Variants in TMC5 observed in about 807,000 individuals in gnomAD.
The protein encoded by TMC5 is transmembrane channel like 5, also known as transmembrane channel-like protein 5.
A neutral mutation model predicts 110.5 loss-of-function variants in TMC5; 86 were observed. The ratio of observed to expected loss-of-function variants is 0.78; its 90% CI spans 0.65 to 0.93. The LOEUF is 0.93. TMC5 is among the 40% of genes least tolerant of loss of function. The pLI is 0.00. For missense variants in TMC5, 1,144 were observed against 1,222.8 expected (o/e 0.94, Z 0.96); for synonymous variants, 455 against 439.5 (o/e 1.04, Z -0.44).
intron 10 of TMC5, among the ~76,000 whole-genome samples, chr16:19,471,733 C>G (rs1968346513): frequency 6.6e-6 from 1 of 151,914 alleles, no homozygotes; most frequent in African/African-American, 2.4e-5. Context: ...ATAAACTTGA[C>G]TTTCATTTAT....
At chr16:19,434,000 ATATTATATATATAATATATATATAAATC>A (rs1396111316) in intron 2 of TMC5, among the ~76,000 whole-genome samples, 21 of 98,210 alleles carry the variant, frequency 2.1e-4, no homozygotes, top group African/African-American at 7.3e-4. Context: ...ATATATATAT[ATATTATATATATAATATATATATAAATC>A]TATATATTAT....
rs183361956 is a variant in TMC5, at chr16:19,485,357, G to A, written c.2364-1588G>A. Among the ~76,000 whole-genome samples the A allele has an allele frequency of 2.5e-3, 387 of 152,232 alleles. 1 individual carries two copies. The highest frequency in any genetic ancestry group is 8.6e-3 in the African/African-American group (359 of 41,538). On this transcript the variant is annotated intron_variant, in intron 15 of 21. Coordinates refer to ENST00000542583, the MANE Select transcript of TMC5 (RefSeq NM_001261841.2). ...CCTAGTTGAAATAATGCAGAAGAAAGGCCTTTGTAAATGGCCAGACTGCTT... is the reference window on the plus strand; with the variant it reads ...CCTAGTTGAAATAATGCAGAAGAAAAGCCTTTGTAAATGGCCAGACTGCTT...
At position 19,463,296 on chromosome 16, in the gene TMC5, G is replaced by A; in HGVS notation, c.1165G>A (p.Glu389Lys). Reference protein sequence around the residue: ...KRNLRKIVDKEKSKQTHRILQ... With the variant: ...KRNLRKIVDKKKSKQTHRILQ... ...TCCCTACAGGAAAATAGTTGACAAA[G>A]AAAAAAGCAAACAGACCCATCGTAT... Residue 389 changes from glutamate to lysine, a missense_variant, in exon 7 of 22, where the codon GAA (glutamate) becomes AAA (lysine). Physicochemically the swap from Glu to Lys is moderately conservative, Grantham distance 56 (BLOSUM62 1). Coordinates refer to ENST00000542583, the MANE Select transcript of TMC5 (RefSeq NM_001261841.2). 6.2e-7 allele frequency: 1 copy of A among 1,613,818 alleles called. No individual in the cohort carries two copies. Among genetic ancestry groups the A allele is most frequent in the Non-Finnish European group, 8.5e-7 (1 of 1,179,788 alleles).
intron 12 of TMC5, chr16:19,476,818 C>A (rs1319126813): frequency 6.5e-6 from 1 of 153,360 alleles, no homozygotes; most frequent in Non-Finnish European, 1.5e-5. Context: ...GCAGGAGGGA[C>A]CTTCTTATGT....
chr16:19,430,841 ACT>A (rs1331003869), intron 2 of TMC5, among the ~76,000 whole-genome samples: 1 of 142,830 alleles, frequency 7.0e-6, no homozygotes, highest in African/African-American at 2.6e-5. Context: ...CCTTCTCTCC[ACT>A]CTCTGCAATA....
At position 19,460,214 on chromosome 16, in the gene TMC5, TTCCA is replaced by T; in HGVS notation, c.1049-19_1049-16del. On this transcript the variant is annotated splice_polypyrimidine_tract_variant and intron_variant, in intron 5 of 21. Transcript: ENST00000542583. ...TCTGTTAAAGAAAAAAGAAATTAAA[TTCCA>T]TTAATTTCTTTCATAGGACAGAAGT... The T allele has an allele frequency of 6.4e-7, 1 of 1,553,278 alleles. No homozygotes were observed. Among genetic ancestry groups the T allele is most frequent in the Non-Finnish European group, 8.8e-7 (1 of 1,131,240 alleles).
At position 19,490,440 on chromosome 16, in the gene TMC5, C is replaced by T. The variant is rs1453427061; in HGVS notation, c.2619C>T (p.Leu873=). Residue 873 remains leucine (L), a synonymous_variant, in exon 18 of 22, where the codon CTC becomes CTT. Coordinates refer to ENST00000542583, the MANE Select transcript of TMC5 (RefSeq NM_001261841.2). ...ADCGPFRGLP[L]FIHSIYSWID... The stretch of plus-strand genomic sequence containing the variant: ...GTGGCCCTTTTCGAGGTCTGCCTCT[C>T]TTCATTCACTCCATCTACAGCTGGA... 1.9e-6 allele frequency: 3 copies of T among 1,614,172 alleles called. No homozygotes were observed. Among genetic ancestry groups the T allele is most frequent in the Non-Finnish European group, 2.5e-6 (3 of 1,180,034 alleles).
chr16:19,478,076 G>A (rs574084622), intron 13 of TMC5, among the ~76,000 whole-genome samples: 2 of 152,318 alleles, frequency 1.3e-5, no homozygotes, highest in African/African-American at 4.8e-5. Flanking sequence ...GAGAATGGGT[G>A]CCTGAGGGTG....
chr16:19,435,433 C>T (rs1033416622), intron 2 of TMC5, among the ~76,000 whole-genome samples: 21 of 151,704 alleles, frequency 1.4e-4, no homozygotes, highest in Middle Eastern at 3.4e-3. Flanking sequence ...ACCCGGGAGG[C>T]AGAGGTTGCA....
At chr16:19,477,575 GA>G (rs1968519774) in intron 13 of TMC5, 57 bp downstream of exon 13, 1 of 1,194,792 alleles carries the variant, frequency 8.4e-7, no homozygotes, top group African/African-American at 1.5e-5. Context: ...GACCAACAGG[GA>G]GGACAGGGGT....
intron 15 of TMC5, among the ~76,000 whole-genome samples, chr16:19,484,617 C>T (rs549444828): frequency 2.0e-3 from 302 of 151,954 alleles, no homozygotes; most frequent in Non-Finnish European, 3.3e-3. Flanking sequence ...ACAAATTAGC[C>T]GGCTGTGGTA....
intron 3 of TMC5, among the ~76,000 whole-genome samples, chr16:19,441,319 TA>T (rs1328797426): frequency 1.2e-4 from 18 of 150,576 alleles, no homozygotes; most frequent in African/African-American, 2.9e-4. Context: ...TTTTTTTTCT[TA>T]TTTTTTTTAT....
intron 5 of TMC5, among the ~76,000 whole-genome samples, chr16:19,458,735 C>G (rs74011403): frequency 6.6e-6 from 1 of 152,140 alleles, no homozygotes; most frequent in African/African-American, 2.4e-5. Context: ...ATCTACTCAC[C>G]CTTCCTACCC....
intron 9 of TMC5, among the ~76,000 whole-genome samples, chr16:19,467,730 C>A (rs1453547178): frequency 1.3e-5 from 2 of 152,018 alleles, no homozygotes; most frequent in Non-Finnish European, 2.9e-5. Flanking sequence ...GATCCACCCG[C>A]CTCAGCCTCC....
intron 5 of TMC5, among the ~76,000 whole-genome samples, chr16:19,459,917 C>CAAAA (rs34853313): frequency 0.053 from 5,048 of 95,066 alleles, 366 homozygotes; most frequent in African/African-American, 0.12. Context: ...GATCCTGTCT[C>CAAAA]AAAAAAAAAA....
chr16:19,454,001 A>G (rs1394396377), intron 5 of TMC5, among the ~76,000 whole-genome samples: 1 of 151,958 alleles, frequency 6.6e-6, no homozygotes, highest in African/African-American at 2.4e-5. Flanking sequence ...TACAGGTGTG[A>G]GCCACCACCT....
intron 4 of TMC5, among the ~76,000 whole-genome samples, chr16:19,445,829 A>G (rs1167812966): frequency 2.6e-5 from 4 of 151,918 alleles, no homozygotes; most frequent in Non-Finnish European, 4.4e-5. Flanking sequence ...GACTGTTAAC[A>G]CATAGAAAAT....
At chr16:19,496,001 A>G (rs543893977) in intron 20 of TMC5, among the ~76,000 whole-genome samples, 2 of 151,858 alleles carry the variant, frequency 1.3e-5, no homozygotes, top group South Asian at 4.1e-4. Context: ...CAAACAAACA[A>G]GAAAACTTAG....
rs566353346 is a variant in TMC5 at position 19,463,805 on chromosome 16, G to A, written c.1266G>A (p.Ser422=). The A allele has an allele frequency of 1.2e-4, 197 of 1,614,154 alleles. 3 individuals are homozygous for A. In the South Asian group the frequency reaches 1.8e-3, roughly 14 times the overall value. ...RAYRRSKNSL[S]EILNSISLWQ... is the part of the protein sequence containing the mutation. ...ATCGGAGATCCAAGAACAGCCTGTC[G>A]GAAATTCTGAATTCCATCAGCCTGT... Residue 422 remains serine, a synonymous_variant, in exon 8 of 22, where the codon TCG becomes TCA. Coordinates refer to ENST00000542583, the MANE Select transcript of TMC5 (RefSeq NM_001261841.2).
Sources: gnomAD v4.1 joint callset for allele counts (sites outside exome capture counted in the v4.1 genomes callset) on GRCh38, gnomAD v4.1.1 for gene constraint, MANE v1.5 for transcripts, NCBI Gene and HGNC (gene_info 2026-07-23, HGNC 2026-07-21) for gene names.